The following NCOR2 variants were observed in gnomAD, a reference collection of about 807,000 sequenced individuals.
NCOR2 encodes CTG repeat protein 26.
In NCOR2, 81 loss-of-function variants were observed where a neutral mutation model predicts 262.9. The ratio of observed to expected loss-of-function variants is 0.31; its 90% CI spans 0.26 to 0.37. NCOR2 has a LOEUF of 0.37. NCOR2 is among the 10% of genes least tolerant of loss of function. The pLI is 1.00. For synonymous variants in NCOR2, 1,659 were observed against 1,559.3 expected (o/e 1.06, Z -1.51); for missense variants, 3,385 against 3,621.4 (o/e 0.93, Z 1.68).
At chr12:124,406,418 C>T (rs374011888) in intron 13 of NCOR2, among the ~76,000 whole-genome samples, 11 of 152,156 alleles carry the variant, frequency 7.2e-5, no homozygotes, top group African/African-American at 1.4e-4. Context: ...GAAGCTGCCA[C>T]GGCTGGCCTC....
At chr12:124,398,985 C>T (rs2041846338) in intron 15 of NCOR2, among the ~76,000 whole-genome samples, 1 of 152,188 alleles carries the variant, frequency 6.6e-6, no homozygotes, top group African/African-American at 2.4e-5. Flanking sequence ...CCTGGCCCTT[C>T]CTTTCCAGTT....
In NCOR2 at chr12:124,443,493, ATTTATTT is replaced by A. The variant is rs775281852; in HGVS notation, c.816-5504_816-5498del. Among the ~76,000 whole-genome samples, 100 of 152,012 alleles carry A rather than the reference ATTTATTT, an allele frequency of 6.6e-4. No homozygotes were observed. The highest frequency in any genetic ancestry group is 1.0e-3 in the Non-Finnish European group (70 of 67,940). ...TGTGTTGGGCTGTGGTGCTTTATTT[ATTTATTT>A]TTTATTTTTTATTTTTTTGAGATGG... is the stretch of plus-strand genomic sequence containing the variant. On this transcript the variant is annotated intron_variant, in intron 7 of 46. Coordinates refer to ENST00000405201, the Ensembl canonical transcript of NCOR2. The surrounding 1 kb of genome is among the most constrained non-coding windows in gnomAD (Gnocchi z 4.4).
At chr12:124,414,530 C>A (rs2042757987) in intron 13 of NCOR2, among the ~76,000 whole-genome samples, 1 of 152,202 alleles carries the variant, frequency 6.6e-6, no homozygotes, top group African/African-American at 2.4e-5. Flanking sequence ...CCATCCCCCA[C>A]CAGCCATCAA....
chr12:124,396,493 C>A (rs556962817), intron 16 of NCOR2, among the ~76,000 whole-genome samples: 1 of 152,072 alleles, frequency 6.6e-6, no homozygotes, highest in Admixed American at 6.5e-5. Flanking sequence ...TGGGGGCTGA[C>A]AGCAGCCCCA....
intron 33 of NCOR2, among the ~76,000 whole-genome samples, chr12:124,342,342 G>T (rs1355226329): frequency 6.6e-6 from 1 of 152,160 alleles, no homozygotes; most frequent in East Asian, 1.9e-4. Context: ...ACTCCAAAGG[G>T]ATGCAACTTT....
At chr12:124,394,429 G>A (rs980635558) in intron 16 of NCOR2, among the ~76,000 whole-genome samples, 1 of 152,024 alleles carries the variant, frequency 6.6e-6, no homozygotes, top group Non-Finnish European at 1.5e-5. Flanking sequence ...GAAGGTGGGT[G>A]TGCTGGGTTG....
chr12:124,438,139 C>T, intron 7 of NCOR2, 143 bp from the exon 10 acceptor site: 1 of 725,894 alleles, frequency 1.4e-6, no homozygotes, highest in South Asian at 1.7e-5. Context: ...TGCTGTATCC[C>T]CAGAGAGACC....
intron 17 of NCOR2, among the ~76,000 whole-genome samples, chr12:124,384,366 A>G (rs1298944310): frequency 6.6e-6 from 1 of 152,246 alleles, no homozygotes; most frequent in Admixed American, 6.5e-5. Context: ...TCCAGAAGGA[A>G]AAGGCGCTGC....
chr12:124,521,118 G>T (rs576922762), intron 1 of NCOR2, among the ~76,000 whole-genome samples: 3 of 152,298 alleles, frequency 2.0e-5, no homozygotes, highest in Non-Finnish European at 2.9e-5. Flanking sequence ...GGGGGAGGTG[G>T]GGGCCAGAAC....
intron 13 of NCOR2, among the ~76,000 whole-genome samples, chr12:124,418,906 C>G (rs1021560872): frequency 6.6e-6 from 1 of 152,312 alleles, no homozygotes; most frequent in South Asian, 2.1e-4. Flanking sequence ...GGACGCTCCA[C>G]GCGGCTCGTG....
At chr12:124,489,731 A>G (rs1443161342) in intron 1 of NCOR2, among the ~76,000 whole-genome samples, 3 of 152,218 alleles carry the variant, frequency 2.0e-5, no homozygotes, top group Non-Finnish European at 4.4e-5. Flanking sequence ...AGAGGCCACC[A>G]GAAAAAGCCA....
At chr12:124,402,582 G>T (rs1203001695) in intron 13 of NCOR2, 21 bp from the exon 16 acceptor site, 1 of 1,550,938 alleles carries the variant, frequency 6.4e-7, no homozygotes, top group Non-Finnish European at 8.7e-7. Flanking sequence ...CCGGGGGAGG[G>T]CAGAGGGGAG....
chr12:124,346,835 T>C (rs1378527765), exon 31 of NCOR2: 15 of 1,578,720 alleles, frequency 9.5e-6, no homozygotes, highest in Non-Finnish European at 1.3e-5. Flanking sequence ...TGCCTCCACG[T>C]AGGACCGAGG....
At chr12:124,333,865 T>TGCATGTGTGTGTGC (rs2035518789) in intron 41 of NCOR2, among the ~76,000 whole-genome samples, 2 of 143,136 alleles carry the variant, frequency 1.4e-5, no homozygotes, top group African/African-American at 5.1e-5. Flanking sequence ...CATGTGTGTG[T>TGCATGTGTGTGTGC]GCGCATGTGT....
At chr12:124,333,793 C>A (rs916820154) in intron 41 of NCOR2, among the ~76,000 whole-genome samples, 2 of 151,786 alleles carry the variant, frequency 1.3e-5, no homozygotes, top group Non-Finnish European at 2.9e-5. Context: ...TGGGAGTGTG[C>A]GTGAGCATGT....
chr12:124,363,540 C>T (rs2038781900), intron 21 of NCOR2, 139 bp downstream of exon 23: 3 of 894,372 alleles, frequency 3.4e-6, no homozygotes, highest in Non-Finnish European at 3.1e-6. Context: ...ACCTCAGCTC[C>T]ACGGGGATTT....
At chr12:124,355,501 G>T in exon 24 of NCOR2, 3 of 1,610,068 alleles carry the variant, frequency 1.9e-6, no homozygotes, top group Non-Finnish European at 2.5e-6. Context: ...GGGGAGGCGG[G>T]TTGGAGATGG....
At chr12:124,422,279 G>A (rs1246539309) in intron 12 of NCOR2, among the ~76,000 whole-genome samples, 1 of 152,198 alleles carries the variant, frequency 6.6e-6, no homozygotes, top group Non-Finnish European at 1.5e-5. Context: ...TCAGCAACCT[G>A]AGGCTCCTCC....
Position 124,430,606 on chromosome 12 carries a change from C to T in NCOR2, c.1055+9G>A, listed in dbSNP as rs749677112. 4.4e-6 allele frequency: 7 copies of T among 1,604,198 alleles called. No homozygotes were observed. Among genetic ancestry groups the T allele is most frequent in the East Asian group, 4.5e-5 (2 of 44,712 alleles). On this transcript the variant is annotated intron_variant, in intron 9 of 46. Transcript: ENST00000405201. ...GACGTCGGGGGCCCTGGGCTCAGGC[C>T]CCGCTCACCTCTGCATGCGCTCCTG...
Sources: gnomAD v4.1 joint callset for allele counts (sites outside exome capture counted in the v4.1 genomes callset) on GRCh38, gnomAD v4.1.1 for gene constraint, Gnocchi (gnomAD v3.1) non-coding constraint, MANE v1.5 for transcripts, NCBI Gene and HGNC (gene_info 2026-07-23, HGNC 2026-07-21) for gene names.